CFAP20DC: variants seen among roughly 807,000 people sequenced by gnomAD.
CFAP20DC encodes CFAP20 domain containing.
CFAP20DC carries 84 observed loss-of-function variants against 101.7 expected under a neutral mutation model. The ratio of observed to expected loss-of-function variants is 0.83; its 90% CI spans 0.69 to 0.99. The LOEUF (loss-of-function observed/expected upper bound fraction) is 0.99. Ranked by LOEUF, CFAP20DC falls within the 50% of genes least tolerant of loss-of-function variation. The pLI, the probability that CFAP20DC is intolerant of heterozygous loss-of-function variation, is 0.00. For missense variants in CFAP20DC, 1,007 were observed against 970.3 expected, an observed-to-expected ratio of 1.04 and a Z score of -0.50; for synonymous variants, 359 against 351.2, an observed-to-expected ratio of 1.02 and a Z score of -0.25.
intron 4 of CFAP20DC, among the ~76,000 whole-genome samples, chr3:58,949,927 T>C (rs537288671): frequency 6.6e-6 from 1 of 152,088 alleles, no homozygotes; most frequent in East Asian, 1.9e-4. Context: ...CCAGGGCAAT[T>C]AGGCAGGAGA....
chr3:58,946,239 C>G (rs1316592554), intron 4 of CFAP20DC, among the ~76,000 whole-genome samples: 1 of 151,450 alleles, frequency 6.6e-6, no homozygotes, highest in Non-Finnish European at 1.5e-5. Context: ...GTCTCAGTCT[C>G]CTAAGTAGCT....
intron 5 of CFAP20DC, among the ~76,000 whole-genome samples, chr3:58,924,773 C>T (rs2085762983): frequency 1.3e-5 from 2 of 152,220 alleles, no homozygotes; most frequent in Admixed American, 6.5e-5. Flanking sequence ...GCTATTCTGA[C>T]TCATGTGTGA....
intron 4 of CFAP20DC, chr3:59,017,401 G>T (rs1445650620): frequency 1.3e-5 from 2 of 152,090 alleles, no homozygotes; most frequent in Non-Finnish European, 2.9e-5. Context: ...TCCAGTTGAT[G>T]TGGTGAACAG....
intron 1 of CFAP20DC, among the ~76,000 whole-genome samples, chr3:59,047,885 T>C (rs1444855766): frequency 6.6e-6 from 1 of 152,234 alleles, no homozygotes; most frequent in African/African-American, 2.4e-5. Context: ...TTAAACAGTT[T>C]AGTACTGGTC....
At chr3:58,975,741 TG>T (rs1472537940) in intron 4 of CFAP20DC, among the ~76,000 whole-genome samples, 2 of 152,196 alleles carry the variant, frequency 1.3e-5, no homozygotes, top group African/African-American at 4.8e-5. Context: ...TAAAATCACC[TG>T]TTTTGGTATG....
At chr3:58,763,757 G>A (rs1045339168) in intron 15 of CFAP20DC, among the ~76,000 whole-genome samples, 9 of 152,210 alleles carry the variant, frequency 5.9e-5, no homozygotes, top group Non-Finnish European at 1.3e-4. Context: ...CCTTGTAACA[G>A]TCAGGACCCT....
chr3:58,997,722 C>G (rs1275440865), intron 4 of CFAP20DC, among the ~76,000 whole-genome samples: 2 of 152,182 alleles, frequency 1.3e-5, no homozygotes, highest in Non-Finnish European at 2.9e-5. Flanking sequence ...TTAAGGACCT[C>G]TAAGCCTTGA....
rs1229881503 is a variant in CFAP20DC, at chr3:58,795,478, A to G, written c.2237+10917T>C. On this transcript the variant is annotated intron_variant, in intron 15 of 16. Coordinates refer to ENST00000482387, the MANE Select transcript of CFAP20DC (RefSeq NM_001394063.1). This position sits in a 1 kb window ranked among gnomAD's most constrained non-coding sequence, Gnocchi z 4.2. ...AACAGGGCAAGACCCCATTTCTACA[A>G]AAAAATCAGCTTGGCTTGTGCCTGT... Among the ~76,000 whole-genome samples, 1 of 152,134 alleles carries G rather than the reference A, an allele frequency of 6.6e-6. No individual in the cohort carries two copies. The highest frequency in any genetic ancestry group is 1.9e-4 in the East Asian group (1 of 5,172).
intron 2 of CFAP20DC, among the ~76,000 whole-genome samples, chr3:59,046,524 A>G (rs1699874759): frequency 6.6e-6 from 1 of 152,198 alleles, no homozygotes. Flanking sequence ...GAGCAAGGGC[A>G]TTCAAGGTGT....
chr3:58,724,501 T>C lies in CFAP20DC; in HGVS notation c.198-6873A>G, dbSNP rs2067520479. On this transcript the variant is annotated intron_variant, in intron 3 of 3. Transcript: ENST00000486145. This position sits in a 1 kb window ranked among gnomAD's most constrained non-coding sequence, Gnocchi z 5.6. The stretch of plus-strand genomic sequence containing the variant: ...GAATGTGGACAGACGTGTGGGCTCC[T>C]ATTTAAGCCCGCTCCCACTAGCTAC... Among the ~76,000 whole-genome samples the C allele has an allele frequency of 1.3e-5, 2 of 152,182 alleles. No individual in the cohort carries two copies.
rs572783240 is a variant in CFAP20DC, at chr3:58,965,323, T to C, written c.279-27561A>G. ...TTTCCATAGGTGAAGTAATCTAAAA[T>C]AATAAAATGATTTGTTTACTTCTCT... On this transcript the variant is annotated intron_variant, in intron 4 of 16. Coordinates refer to ENST00000482387, the MANE Select transcript of CFAP20DC (RefSeq NM_001394063.1). 6.6e-5 allele frequency among the ~76,000 whole-genome samples: 10 copies of C among 152,342 alleles called. No individual in the cohort carries two copies. In the South Asian group the frequency reaches 2.1e-3, roughly 32 times the overall value.
chr3:58,832,415 G>A (rs1397847160), intron 13 of CFAP20DC, among the ~76,000 whole-genome samples: 1 of 152,042 alleles, frequency 6.6e-6, no homozygotes. Flanking sequence ...TGCCTAGTAG[G>A]TGCCCAACCA....
intron 15 of CFAP20DC, among the ~76,000 whole-genome samples, chr3:58,754,916 A>C (rs549622354): frequency 6.6e-6 from 1 of 152,282 alleles, no homozygotes; most frequent in South Asian, 2.1e-4. Context: ...ATTTGGTGTG[A>C]ATATGGGTAC....
chr3:58,968,955 T>G (rs1362321041), intron 4 of CFAP20DC, among the ~76,000 whole-genome samples: 2 of 152,214 alleles, frequency 1.3e-5, no homozygotes, highest in Non-Finnish European at 2.9e-5. Context: ...CACCATTTAT[T>G]GAATACAAAG....
intron 15 of CFAP20DC, among the ~76,000 whole-genome samples, chr3:58,784,499 T>C (rs369199257): frequency 6.6e-6 from 1 of 152,080 alleles, no homozygotes; most frequent in East Asian, 1.9e-4. Flanking sequence ...AATCTGCACA[T>C]GTATCCTCTG....
In CFAP20DC at chr3:58,913,931, T is replaced by C. The variant is rs2084413835; in HGVS notation, c.394-67A>G. 1 of 1,523,600 alleles carries C rather than the reference T, an allele frequency of 6.6e-7. No individual in the cohort carries two copies. Among genetic ancestry groups the C allele is most frequent in the Non-Finnish European group, 9.0e-7 (1 of 1,106,744 alleles). The allele number at this position is 1,523,600 out of a possible 1,614,324, so 94.4% of individuals were successfully genotyped here. The stretch of plus-strand genomic sequence containing the variant: ...AACACATAAATGAACAAACCATCTA[T>C]ATGTAGACATTCAAAGAGTTGAGGC... On this transcript the variant is annotated intron_variant, in intron 5 of 16. Transcript: ENST00000482387. The surrounding 1 kb of genome is among the most constrained non-coding windows in gnomAD (Gnocchi z 4.4).
chr3:58,877,466 A>C (rs2080847307), intron 7 of CFAP20DC, among the ~76,000 whole-genome samples: 1 of 152,246 alleles, frequency 6.6e-6, no homozygotes, highest in African/African-American at 2.4e-5. Context: ...GACTTAAAGG[A>C]TGATGGATAT....
Position 58,861,849 on chromosome 3 carries a change from C to T in CFAP20DC, c.1593+1709G>A. 1 of 985,408 alleles carries T rather than the reference C, an allele frequency of 1.0e-6. No individual in the cohort carries two copies. 61.0% of individuals were successfully genotyped at this position (985,408 alleles called of 1,614,324 possible). A position where few individuals can be genotyped will look rare whatever the true frequency, so the allele number is the denominator to read the frequency against. ...CACAGGGGTGACCAGATAGCCCTGC[C>T]AGTGAAAGCTTGGGTAATGCATGAT... On this transcript the variant is annotated intron_variant, in intron 12 of 16. Coordinates refer to ENST00000482387, the MANE Select transcript of CFAP20DC (RefSeq NM_001394063.1). The surrounding 1 kb of genome is among the most constrained non-coding windows in gnomAD (Gnocchi z 4.0).
At chr3:58,973,433 T>C (rs1270068156) in intron 4 of CFAP20DC, among the ~76,000 whole-genome samples, 2 of 152,234 alleles carry the variant, frequency 1.3e-5, no homozygotes, top group Admixed American at 6.5e-5. Context: ...ACACAGTTCC[T>C]GGCTTCACAG....
Sources: allele counts gnomAD v4.1 joint callset (sites outside exome capture counted in the v4.1 genomes callset), GRCh38; gene constraint gnomAD v4.1.1; non-coding constraint Gnocchi (gnomAD v3.1); transcripts MANE v1.5; gene names NCBI Gene and HGNC (gene_info 2026-07-23, HGNC 2026-07-21).